The following SUPT3H variants were observed in gnomAD, a reference collection of about 807,000 sequenced individuals.
SUPT3H encodes SPT3 homolog, SAGA and STAGA complex component.
SUPT3H carries 44 observed loss-of-function variants against 44.3 expected under a neutral mutation model. The observed-to-expected ratio is 0.99, with a 90% CI of 0.78 to 1.28. The LOEUF (loss-of-function observed/expected upper bound fraction) is 1.28, where lower values mean the gene tolerates loss of function less well. Ranked by LOEUF, SUPT3H falls within the 50% of genes most tolerant of loss-of-function variation. The probability of loss-of-function intolerance (pLI) is 0.00; values close to 1 mark genes in which losing one functional copy is unlikely to be tolerated. For synonymous variants in SUPT3H, 124 were observed against 125.6 expected, an observed-to-expected ratio of 0.99 and a Z score of 0.09; for missense variants, 380 against 387.1, an observed-to-expected ratio of 0.98 and a Z score of 0.15.
In SUPT3H at chr6:44,932,722, G is replaced by A. The variant is rs756902186; in HGVS notation, c.843C>T (p.Ile281=). 3.0e-5 allele frequency: 49 copies of A among 1,610,878 alleles called. No individual in the cohort carries two copies. The highest frequency in any genetic ancestry group is 4.2e-5 in the Non-Finnish European group (49 of 1,178,726). The change falls in exon 10 of 11, where the codon ATC becomes ATT. Residue 281 remains isoleucine (I), a synonymous_variant. Transcript: ENST00000371459. ...TGGCCTCTCTGATGTGGCAGGGCTGGATGGCATCGCTGTGAGCCTCAACAC... is the reference window on the plus strand; with the variant it reads ...TGGCCTCTCTGATGTGGCAGGGCTGAATGGCATCGCTGTGAGCCTCAACAC... ...ACGVEAHSDA[I]QPCHIREAIR...
At chr6:44,986,387 C>T (rs1301824239) in intron 6 of SUPT3H, among the ~76,000 whole-genome samples, 2 of 152,050 alleles carry the variant, frequency 1.3e-5, no homozygotes, top group Non-Finnish European at 2.9e-5. Context: ...TCAGATAATA[C>T]ATATATTAGG....
intron 2 of SUPT3H, among the ~76,000 whole-genome samples, chr6:45,209,454 T>C (rs1383084538): frequency 6.6e-6 from 1 of 152,148 alleles, no homozygotes; most frequent in East Asian, 1.9e-4. Flanking sequence ...GGATAACTTT[T>C]AGGGATTCAA....
intron 2 of SUPT3H, among the ~76,000 whole-genome samples, chr6:45,205,048 A>G (rs1464834310): frequency 6.6e-6 from 1 of 152,178 alleles, no homozygotes; most frequent in African/African-American, 2.4e-5. Flanking sequence ...TATAGAAATA[A>G]TATCTCGTAG....
chr6:45,225,321 T>C (rs951152005), intron 2 of SUPT3H, among the ~76,000 whole-genome samples: 2 of 151,462 alleles, frequency 1.3e-5, no homozygotes, highest in South Asian at 2.1e-4. Flanking sequence ...CAATCTATAC[T>C]GTCAGACAGG....
intron 10 of SUPT3H, among the ~76,000 whole-genome samples, chr6:44,884,999 A>T (rs1384195429): frequency 6.6e-6 from 1 of 152,144 alleles, no homozygotes; most frequent in Non-Finnish European, 1.5e-5. Flanking sequence ...ACGCCCACGG[A>T]GTCTGGCTGA....
chr6:45,271,938 T>C (rs1776254605), intron 2 of SUPT3H, among the ~76,000 whole-genome samples: 1 of 152,168 alleles, frequency 6.6e-6, no homozygotes, highest in Non-Finnish European at 1.5e-5. Flanking sequence ...TTTTGGAGCA[T>C]TAAGATTTGA....
intron 2 of SUPT3H, among the ~76,000 whole-genome samples, chr6:45,163,091 T>C (rs1221271074): frequency 6.6e-6 from 1 of 152,168 alleles, no homozygotes; most frequent in African/African-American, 2.4e-5. Flanking sequence ...AGATTACATA[T>C]CTAAAACATT....
intron 2 of SUPT3H, among the ~76,000 whole-genome samples, chr6:45,119,027 C>A (rs914870493): frequency 2.0e-5 from 3 of 152,130 alleles, no homozygotes; most frequent in African/African-American, 7.2e-5. Context: ...CATAGATCAG[C>A]TGGCAGTCAG....
intron 2 of SUPT3H, among the ~76,000 whole-genome samples, chr6:45,196,237 G>A (rs963115367): frequency 2.0e-5 from 3 of 152,006 alleles, no homozygotes; most frequent in African/African-American, 7.2e-5. Flanking sequence ...TCCCGCAGCT[G>A]TTTAAAATTT....
At chr6:44,981,165 G>A (rs1449644130) in intron 6 of SUPT3H, among the ~76,000 whole-genome samples, 1 of 152,062 alleles carries the variant, frequency 6.6e-6, no homozygotes, top group Non-Finnish European at 1.5e-5. Flanking sequence ...TTCATCTTAG[G>A]GAGAAATACA....
intron 10 of SUPT3H, among the ~76,000 whole-genome samples, chr6:44,930,782 C>T (rs892248229): frequency 2.6e-5 from 4 of 152,006 alleles, no homozygotes; most frequent in Non-Finnish European, 4.4e-5. Context: ...CAGGTCATGG[C>T]TTGTTTTATT....
At chr6:45,043,182 A>AC (rs1562325647) in intron 3 of SUPT3H, among the ~76,000 whole-genome samples, 1 of 114,818 alleles carries the variant, frequency 8.7e-6, no homozygotes, top group Admixed American at 8.2e-5. Flanking sequence ...CACACACACA[A>AC]ACACCAAAAC....
chr6:45,345,276 T>C (rs1399208236), intron 2 of SUPT3H, among the ~76,000 whole-genome samples: 1 of 152,226 alleles, frequency 6.6e-6, no homozygotes, highest in Non-Finnish European at 1.5e-5. Flanking sequence ...TCAAATGACA[T>C]GTTTTCCTAT....
chr6:44,985,193 AAATAAATAAATAAATAAAT>A (rs1271946812), intron 6 of SUPT3H, among the ~76,000 whole-genome samples: 1 of 51,138 alleles, frequency 2.0e-5, no homozygotes, highest in Non-Finnish European at 3.5e-5. Flanking sequence ...ATAAATAAAT[AAATAAATAAATAAATAAAT>A]AAATAAAATA....
chr6:45,269,457 C>T (rs1202443118), intron 2 of SUPT3H, among the ~76,000 whole-genome samples: 7 of 152,210 alleles, frequency 4.6e-5, no homozygotes, highest in African/African-American at 1.7e-4. Flanking sequence ...CTCACCATGA[C>T]AACTACAATT....
intron 2 of SUPT3H, among the ~76,000 whole-genome samples, chr6:45,127,182 C>T (rs995731734): frequency 6.6e-6 from 1 of 152,110 alleles, no homozygotes; most frequent in Middle Eastern, 3.4e-3. Flanking sequence ...GGTGCAGTGG[C>T]GTGTGTCTGT....
intron 3 of SUPT3H, among the ~76,000 whole-genome samples, chr6:45,072,741 C>A (rs183630972): frequency 1.3e-3 from 199 of 152,108 alleles, no homozygotes; most frequent in African/African-American, 4.6e-3. Context: ...CTTTTTGATG[C>A]AGAGTAATTG....
At chr6:44,898,044 C>A (rs1185717672) in intron 10 of SUPT3H, among the ~76,000 whole-genome samples, 1 of 152,200 alleles carries the variant, frequency 6.6e-6, no homozygotes, top group African/African-American at 2.4e-5. Context: ...ACATAACATA[C>A]TTGCTTACCC....
chr6:44,961,715 T>A (rs1251687356), intron 7 of SUPT3H, 38 bp downstream of exon 7: 1 of 1,466,250 alleles, frequency 6.8e-7, no homozygotes. Flanking sequence ...CACAAATCTC[T>A]TATGCATATA....
Sources: gnomAD v4.1 joint callset for allele counts (sites outside exome capture counted in the v4.1 genomes callset) on GRCh38, gnomAD v4.1.1 for gene constraint, MANE v1.5 for transcripts, NCBI Gene and HGNC (gene_info 2026-07-23, HGNC 2026-07-21) for gene names.